CNGA1: variants seen among roughly 807,000 people sequenced by gnomAD.
The protein encoded by CNGA1 is cyclic nucleotide gated channel subunit alpha 1.
A neutral mutation model predicts 69.7 loss-of-function variants in CNGA1; 53 were observed. The ratio of observed to expected loss-of-function variants is 0.76; its 90% CI spans 0.61 to 0.96. CNGA1 has a LOEUF of 0.96. Ranked by LOEUF, CNGA1 falls within the 40% of genes least tolerant of loss-of-function variation. CNGA1 has a pLI of 0.00. For synonymous variants in CNGA1, 249 were observed against 283.5 expected, an observed-to-expected ratio of 0.88 and a Z score of 1.22; for missense variants, 739 against 811.2, an observed-to-expected ratio of 0.91 and a Z score of 1.08.
At chr4:47,947,903 A>G (rs548161110) in intron 6 of CNGA1, among the ~76,000 whole-genome samples, 17 of 152,296 alleles carry the variant, frequency 1.1e-4, no homozygotes, top group African/African-American at 3.6e-4. Flanking sequence ...TTTTGCTCGT[A>G]GTGAACATGC....
intron 2 of CNGA1, among the ~76,000 whole-genome samples, chr4:48,004,439 C>T (rs879651639): frequency 7.2e-5 from 11 of 152,256 alleles, no homozygotes; most frequent in South Asian, 4.2e-4. Context: ...GAAAACCCAC[C>T]GACCCTGTGG....
At chr4:48,002,322 A>C (rs1714696951) in intron 2 of CNGA1, among the ~76,000 whole-genome samples, 1 of 152,216 alleles carries the variant, frequency 6.6e-6, no homozygotes, top group African/African-American at 2.4e-5. Flanking sequence ...TACCAAGTAT[A>C]AGCTAGGTAC....
intron 2 of CNGA1, among the ~76,000 whole-genome samples, chr4:47,990,806 T>C (rs1560308712): frequency 1.3e-5 from 2 of 152,160 alleles, no homozygotes; most frequent in South Asian, 4.1e-4. Flanking sequence ...AGAACCTACG[T>C]TGAAATATGG....
chr4:48,012,486 C>A (rs1715207232), intron 1 of CNGA1, among the ~76,000 whole-genome samples: 1 of 150,316 alleles, frequency 6.7e-6, no homozygotes, highest in African/African-American at 2.4e-5. Context: ...AAACAAAGCC[C>A]CTTTAGTAGT....
intron 3 of CNGA1, among the ~76,000 whole-genome samples, chr4:47,978,045 C>T (rs1741508341): frequency 6.6e-6 from 1 of 152,096 alleles, no homozygotes; most frequent in Non-Finnish European, 1.5e-5. Flanking sequence ...AGGCTGGTCT[C>T]GAACTCCTGA....
chr4:47,947,890 G>A (rs1279345216), intron 6 of CNGA1, among the ~76,000 whole-genome samples: 1 of 152,082 alleles, frequency 6.6e-6, no homozygotes, highest in Non-Finnish European at 1.5e-5. Flanking sequence ...TTATTTGTCT[G>A]TTTTTTGCTC....
In CNGA1 at chr4:47,936,600, C is replaced by T. The variant is rs1466670237; in HGVS notation, c.1882G>A (p.Gly628Arg). 1.2e-6 allele frequency: 2 copies of T among 1,614,044 alleles called. No individual in the cohort carries two copies. Among genetic ancestry groups the T allele is most frequent in the African/African-American group, 1.3e-5 (1 of 74,908 alleles). The change falls in exon 11 of 11, where the codon GGG (glycine) becomes AGG (arginine). Residue 628 changes from glycine (G) to arginine (R), a missense_variant. By Grantham distance (125) the Gly-to-Arg change is moderately radical. Coordinates refer to ENST00000514170, the MANE Select transcript of CNGA1 (RefSeq NM_001379270.1). Reference sequence around the variant, plus strand: ...CTGGTTTGCAGGAGGTCTACTGACCCCTCCATTCGAGTAACCTTCTCTTCA... The same window carrying T: ...CTGGTTTGCAGGAGGTCTACTGACCTCTCCATTCGAGTAACCTTCTCTTCA... The part of the protein sequence containing the change: ...DLEEKVTRME[G>R]SVDLLQTRFA...
At chr4:47,971,450 A>C (rs902928735) in intron 3 of CNGA1, among the ~76,000 whole-genome samples, 6 of 152,206 alleles carry the variant, frequency 3.9e-5, no homozygotes, top group Non-Finnish European at 7.3e-5. Context: ...TGAAATATTC[A>C]TATATTCATT....
In CNGA1 at chr4:47,954,984, A is replaced by G. The variant is rs1230054517; in HGVS notation, c.-14-2281T>C. On this transcript the variant is annotated intron_variant, in intron 3 of 10. Coordinates refer to ENST00000514170, the MANE Select transcript of CNGA1 (RefSeq NM_001379270.1). ...GATATAGCTAGACCAGTTGTTTATAACCATCCTTTATAACTATCCTTTTCT... is the reference window on the plus strand; with the variant it reads ...GATATAGCTAGACCAGTTGTTTATAGCCATCCTTTATAACTATCCTTTTCT... 3.9e-5 allele frequency among the ~76,000 whole-genome samples: 6 copies of G among 152,202 alleles called. No individual in the cohort carries two copies. In the South Asian group the frequency reaches 8.3e-4, roughly 21 times the overall value.
chr4:47,948,916 G>A (rs558731402), intron 6 of CNGA1, among the ~76,000 whole-genome samples: 7 of 152,250 alleles, frequency 4.6e-5, no homozygotes, highest in African/African-American at 1.2e-4. Flanking sequence ...GAGTAGAAGC[G>A]GAGAGGGTGA....
intron 3 of CNGA1, among the ~76,000 whole-genome samples, chr4:47,979,389 A>G (rs533514951): frequency 6.6e-6 from 1 of 151,934 alleles, no homozygotes; most frequent in Non-Finnish European, 1.5e-5. Context: ...TTATATTTCT[A>G]CTTTAAGGAT....
intron 2 of CNGA1, among the ~76,000 whole-genome samples, chr4:48,000,741 C>CG (rs996132198): frequency 5.3e-4 from 4 of 7,568 alleles, no homozygotes; most frequent in Admixed American, 1.4e-3. Context: ...GTGGGGGAAG[C>CG]GGGGGGGTGG....
chr4:48,009,464 CAAA>C (rs3033844), intron 2 of CNGA1, among the ~76,000 whole-genome samples: 8 of 102,340 alleles, frequency 7.8e-5, no homozygotes, highest in African/African-American at 1.7e-4. Flanking sequence ...GAGTCTGTCT[CAAA>C]AAAAAAAAAA....
intron 2 of CNGA1, among the ~76,000 whole-genome samples, chr4:48,007,213 A>G (rs1714958237): frequency 6.6e-6 from 1 of 152,222 alleles, no homozygotes; most frequent in East Asian, 1.9e-4. Flanking sequence ...TTTAACTTCC[A>G]TAAGCCTTTT....
intron 3 of CNGA1, among the ~76,000 whole-genome samples, chr4:47,966,759 T>G (rs1740745976): frequency 6.6e-6 from 1 of 152,212 alleles, no homozygotes; most frequent in South Asian, 2.1e-4. Context: ...CAAGCAACTA[T>G]TATAAGTATA....
intron 3 of CNGA1, among the ~76,000 whole-genome samples, chr4:47,977,728 A>T (rs1329594236): frequency 6.6e-6 from 1 of 152,078 alleles, no homozygotes; most frequent in African/African-American, 2.4e-5. Context: ...AAGCAACAAA[A>T]TTTTTTTAAT....
chr4:47,940,930 TTC>T, intron 9 of CNGA1, 61 bp from the exon 10 acceptor site: 4 of 1,101,868 alleles, frequency 3.6e-6, no homozygotes, highest in Non-Finnish European at 5.5e-6. Context: ...TAAGTAAAAG[TTC>T]TCTTTGTATA....
chr4:47,988,265 G>A (rs1025789202), intron 2 of CNGA1, among the ~76,000 whole-genome samples: 15 of 152,116 alleles, frequency 9.9e-5, no homozygotes, highest in Non-Finnish European at 1.9e-4. Context: ...AGCAAGCTTG[G>A]GGTAGAGGGG....
chr4:47,971,804 G>A (rs1741057800), intron 3 of CNGA1, among the ~76,000 whole-genome samples: 1 of 152,116 alleles, frequency 6.6e-6, no homozygotes, highest in African/African-American at 2.4e-5. Flanking sequence ...TGAGACAGGA[G>A]AATCACTTGA....
Sources: allele counts gnomAD v4.1 joint callset (sites outside exome capture counted in the v4.1 genomes callset), GRCh38; gene constraint gnomAD v4.1.1; transcripts MANE v1.5; gene names NCBI Gene and HGNC (gene_info 2026-07-23, HGNC 2026-07-21).